Variants in ERG observed in about 807,000 individuals in gnomAD.
The protein encoded by ERG is ETS transcription factor ERG.
A neutral mutation model predicts 55.3 loss-of-function variants in ERG; 9 were observed. The ratio of observed to expected loss-of-function variants is 0.16; its 90% confidence interval spans 0.10 to 0.28. The LOEUF (loss-of-function observed/expected upper bound fraction) is 0.28. ERG is among the 10% of genes least tolerant of loss of function. ERG has a pLI of 1.00. For synonymous variants in ERG, 223 were observed against 237.3 expected, an observed-to-expected ratio of 0.94 and a Z score of 0.55; for missense variants, 434 against 631.6, an observed-to-expected ratio of 0.69 and a Z score of 3.35.
chr21:38,595,617 G>A (rs1375112108), intron 1 of ERG, among the ~76,000 whole-genome samples: 3 of 152,280 alleles, frequency 2.0e-5, no homozygotes, highest in Middle Eastern at 3.4e-3. Flanking sequence ...CGGGAGCGGT[G>A]GAGGCTGGCT....
At chr21:38,481,205 TC>T (rs2059235415) in intron 1 of ERG, among the ~76,000 whole-genome samples, 1 of 152,238 alleles carries the variant, frequency 6.6e-6, no homozygotes, top group African/African-American at 2.4e-5. Context: ...AGATTATAGT[TC>T]TTCTAGGAGA....
At position 38,640,874 on chromosome 21, in the gene ERG, T is replaced by C. The variant is rs931475759; in HGVS notation, c.-150+20784A>G. On this transcript the variant is annotated intron_variant, in intron 1 of 10. Coordinates refer to the ERG transcript ENST00000398910. ...GTTACCTCTAGGAAAGGGGGCTCTC[T>C]GGGAAAATGGAAGGCAGAGAACTGC... Among the ~76,000 whole-genome samples, 7 of 152,292 alleles carry C rather than the reference T, an allele frequency of 4.6e-5. No individual in the cohort carries two copies. In the East Asian group the frequency reaches 1.2e-3, roughly 25 times the overall value.
intron 9 of ERG, among the ~76,000 whole-genome samples, chr21:38,390,652 G>A (rs1384514083): frequency 6.6e-6 from 1 of 152,180 alleles, no homozygotes; most frequent in Admixed American, 6.5e-5. Context: ...ACAGCCCTGA[G>A]AAGGAACGAA....
At chr21:38,656,893 C>T (rs1410807932) in intron 1 of ERG, among the ~76,000 whole-genome samples, 1 of 152,152 alleles carries the variant, frequency 6.6e-6, no homozygotes, top group Non-Finnish European at 1.5e-5. Context: ...AGCTTTTCCC[C>T]CCCGAGTATG....
upstream of ERG, among the ~76,000 whole-genome samples, chr21:38,586,962 G>A (rs2146886806): frequency 6.6e-6 from 1 of 152,282 alleles, no homozygotes; most frequent in Admixed American, 6.5e-5. Context: ...TCAGCATTTA[G>A]AAGAGAAATC....
intron 1 of ERG, among the ~76,000 whole-genome samples, chr21:38,646,697 T>C (rs1465963336): frequency 6.6e-6 from 1 of 152,194 alleles, no homozygotes; most frequent in Non-Finnish European, 1.5e-5. Context: ...TATTCGCTGA[T>C]CATGTTCATA....
At chr21:38,572,365 C>CAAAA (rs758324053) in intron 2 of ERG, among the ~76,000 whole-genome samples, 42 of 66,756 alleles carry the variant, frequency 6.3e-4, no homozygotes, top group Non-Finnish European at 8.5e-4. Context: ...GAGACTCCAT[C>CAAAA]AAAAAAAAAA....
chr21:38,445,755 C>G (rs1363787709), intron 1 of ERG, 134 bp from the exon 2 acceptor site: 4 of 680,130 alleles, frequency 5.9e-6, no homozygotes, highest in Non-Finnish European at 1.0e-5. Context: ...TTCTACCTTT[C>G]AGAAGAAAAA....
chr21:38,586,525 T>C (rs2060066358), upstream of ERG, among the ~76,000 whole-genome samples: 1 of 151,958 alleles, frequency 6.6e-6, no homozygotes, highest in South Asian at 2.1e-4. Flanking sequence ...TCATGATGAG[T>C]GTCATCTCAC....
At chr21:38,428,455 C>T (rs938201087) in intron 2 of ERG, among the ~76,000 whole-genome samples, 1 of 152,188 alleles carries the variant, frequency 6.6e-6, no homozygotes, top group South Asian at 2.1e-4. Flanking sequence ...ACCACGTGTT[C>T]TCCATTCTCA....
chr21:38,653,369 G>C (rs971722030), intron 1 of ERG, among the ~76,000 whole-genome samples: 4 of 152,278 alleles, frequency 2.6e-5, no homozygotes, highest in Admixed American at 2.0e-4. Context: ...CACCCCCTCT[G>C]TGGATGGAGT....
rs778147506 is a variant in ERG, at chr21:38,402,521, G to C, written c.673+36C>G. 5.7e-5 allele frequency: 88 copies of C among 1,537,212 alleles called. No homozygotes were observed. Among genetic ancestry groups the C allele is most frequent in the Non-Finnish European group, 7.7e-5 (86 of 1,113,984 alleles). On this transcript the variant is annotated intron_variant, in intron 5 of 9. Coordinates refer to ENST00000288319, the MANE Select transcript of ERG (RefSeq NM_182918.4). ...ATGCAACCTGTACGTAAGACCCTAC[G>C]CTCTTGCTGGGAGGCAGGGGCGGGG...
intron 1 of ERG, among the ~76,000 whole-genome samples, chr21:38,491,966 C>T (rs1329242098): frequency 1.3e-5 from 1 of 76,614 alleles, no homozygotes; most frequent in Admixed American, 1.6e-4. Context: ...AGAATTGCTG[C>T]CTATGGGATT....
In ERG at chr21:38,423,683, ACAAGTGTGAAAAGC is replaced by A. The variant is rs556874771; in HGVS notation, c.237-136_237-123del. 1.2e-4 allele frequency: 133 copies of A among 1,107,960 alleles called. No homozygotes were observed. The African/African-American group carries it at 1.9e-3, about 16-fold the overall frequency. 68.6% of individuals were successfully genotyped at this position (1,107,960 alleles called of 1,614,324 possible). A position where few individuals can be genotyped will look rare whatever the true frequency, so the allele number is the denominator to read the frequency against. On this transcript the variant is annotated intron_variant, in intron 2 of 9. Transcript: ENST00000288319. ...GGCGGAAGAGACTGGGGGAGAAAGGACAAGTGTGAAAAGCCAAATACAGGCGGGGTGCCGTGGCT... is the reference window on the plus strand; with the variant it reads ...GGCGGAAGAGACTGGGGGAGAAAGGACAAATACAGGCGGGGTGCCGTGGCT...
rs576398282 is a variant in ERG at position 38,629,650 on chromosome 21, T to C, written c.-150+32008A>G. On this transcript the variant is annotated intron_variant, in intron 1 of 10. Transcript: ENST00000398910. Reference sequence around the variant, plus strand: ...AGAAATTGGAACCCTTGTTCCATGCTGGTGGGAGCATGAAATAGTACAGCT... The same window carrying C: ...AGAAATTGGAACCCTTGTTCCATGCCGGTGGGAGCATGAAATAGTACAGCT... Among the ~76,000 whole-genome samples the C allele has an allele frequency of 4.6e-5, 7 of 152,298 alleles. No individual in the cohort carries two copies. In the South Asian group the frequency reaches 1.5e-3, roughly 32 times the overall value.
intron 1 of ERG, among the ~76,000 whole-genome samples, chr21:38,657,274 C>T (rs1185861038): frequency 6.6e-6 from 1 of 152,188 alleles, no homozygotes; most frequent in Non-Finnish European, 1.5e-5. Context: ...GTCAAGATAG[C>T]CAAACCCCTT....
At chr21:38,529,260 A>T (rs1358661156) in intron 2 of ERG, among the ~76,000 whole-genome samples, 1 of 152,160 alleles carries the variant, frequency 6.6e-6, no homozygotes, top group Non-Finnish European at 1.5e-5. Flanking sequence ...AGAACAGTCT[A>T]TAGGAAGCCA....
intron 1 of ERG, among the ~76,000 whole-genome samples, chr21:38,462,367 A>G (rs999648205): frequency 6.0e-5 from 5 of 82,836 alleles, no homozygotes; most frequent in Admixed American, 4.4e-4. Context: ...TAATGCATAT[A>G]CACAATTTTT....
At chr21:38,461,277 C>T (rs1484017791) in intron 1 of ERG, among the ~76,000 whole-genome samples, 1 of 152,112 alleles carries the variant, frequency 6.6e-6, no homozygotes, top group African/African-American at 2.4e-5. Flanking sequence ...CTATGCATGC[C>T]TGTTTCTGAG....
Sources: allele counts gnomAD v4.1 joint callset (sites outside exome capture counted in the v4.1 genomes callset), GRCh38; gene constraint gnomAD v4.1.1; transcripts MANE v1.5; gene names NCBI Gene and HGNC (gene_info 2026-07-23, HGNC 2026-07-21).